The following FIRRM variants were observed in gnomAD, a reference collection of about 807,000 sequenced individuals.
FIRRM encodes FIGNL1-interacting regulator of recombination and mitosis.
the FIRRM span, among the ~76,000 whole-genome samples, chr1:169,846,013 AG>A: frequency 6.6e-6 from 1 of 152,230 alleles, no homozygotes; most frequent in Non-Finnish European, 1.5e-5. Flanking sequence ...TTAAACAGTA[AG>A]ACTTGAAAGT....
the FIRRM span, among the ~76,000 whole-genome samples, chr1:169,826,402 G>A: frequency 3.7e-5 from 5 of 134,302 alleles, no homozygotes; most frequent in East Asian, 2.2e-4. Context: ...TCACTCTGCC[G>A]CCCAGGCTGG....
the FIRRM span, among the ~76,000 whole-genome samples, chr1:169,805,438 G>A: frequency 7.9e-5 from 12 of 152,258 alleles, no homozygotes; most frequent in African/African-American, 1.9e-4. Context: ...TGAGCAGGTC[G>A]CTGTGTGCTA....
chr1:169,837,590 T>C, the FIRRM span, among the ~76,000 whole-genome samples: 2 of 152,246 alleles, frequency 1.3e-5, no homozygotes, highest in Admixed American at 1.3e-4. Context: ...CTGGATATAG[T>C]ACATGTAGTT....
chr1:169,803,836 C>T, the FIRRM span, among the ~76,000 whole-genome samples: 106,181 of 151,934 alleles, frequency 0.7, 37,276 homozygotes, highest in Middle Eastern at 0.85. Flanking sequence ...AAAAATGTCA[C>T]GCACCTGGCC....
chr1:169,784,828 A>G, the FIRRM span: 1 of 152,224 alleles, frequency 6.6e-6, no homozygotes, highest in East Asian at 1.9e-4. Context: ...TTGAGTTACT[A>G]TACAACACAA....
the FIRRM span, among the ~76,000 whole-genome samples, chr1:169,824,094 C>G: frequency 6.6e-6 from 1 of 152,182 alleles, no homozygotes; most frequent in Non-Finnish European, 1.5e-5. Context: ...CCTCAAACTT[C>G]CTGTATCTTC....
the FIRRM span, among the ~76,000 whole-genome samples, chr1:169,800,347 A>AT: frequency 1.3e-5 from 2 of 152,038 alleles, no homozygotes; most frequent in Admixed American, 6.6e-5. Flanking sequence ...GCGTGGCATA[A>AT]TTTTTTTTAA....
the FIRRM span, among the ~76,000 whole-genome samples, chr1:169,835,426 A>C: frequency 6.6e-6 from 1 of 152,184 alleles, no homozygotes; most frequent in South Asian, 2.1e-4. Context: ...ACTTGAGGGA[A>C]AAGTATTTAA....
the FIRRM span, among the ~76,000 whole-genome samples, chr1:169,790,792 T>C: frequency 6.6e-6 from 1 of 152,220 alleles, no homozygotes; most frequent in Non-Finnish European, 1.5e-5. Flanking sequence ...GGCCAATTTG[T>C]TCTACCTTAC....
the FIRRM span, among the ~76,000 whole-genome samples, chr1:169,790,711 T>C: frequency 5.6e-4 from 86 of 152,312 alleles, no homozygotes; most frequent in South Asian, 5.0e-3. Flanking sequence ...CTCAAAATCA[T>C]TGAAACCAAT....
the FIRRM span, among the ~76,000 whole-genome samples, chr1:169,831,024 A>G: frequency 6.6e-6 from 1 of 152,228 alleles, no homozygotes; most frequent in Middle Eastern, 3.2e-3. Flanking sequence ...ATTACATTTA[A>G]AATTGAATGC....
At chr1:169,805,042 CAT>C in the FIRRM span, among the ~76,000 whole-genome samples, 3 of 152,200 alleles carry the variant, frequency 2.0e-5, no homozygotes, top group Non-Finnish European at 2.9e-5. Context: ...TTTTATCACT[CAT>C]TAATGGATTA....
At chr1:169,847,656 A>G in the FIRRM span, 1 of 1,444,836 alleles carries the variant, frequency 6.9e-7, no homozygotes, top group African/African-American at 1.4e-5. Flanking sequence ...TACTGGTATT[A>G]TTTATAACTG....
At chr1:169,847,663 A>G in the FIRRM span, 1 of 1,473,982 alleles carries the variant, frequency 6.8e-7, no homozygotes, top group African/African-American at 1.4e-5. Flanking sequence ...ATTATTTATA[A>G]CTGTTCTTTG....
At chr1:169,792,484 A>C in the FIRRM span, 2 of 1,213,490 alleles carry the variant, frequency 1.6e-6, no homozygotes, top group Non-Finnish European at 2.2e-6. Flanking sequence ...AACAACATCA[A>C]AATTTCAGAA....
At chr1:169,842,598 A>G in the FIRRM span, 1 of 1,580,792 alleles carries the variant, frequency 6.3e-7, no homozygotes, top group African/African-American at 1.4e-5. Context: ...AAAAAAGAGG[A>G]TTGTACTGAA....
chr1:169,812,465 T>G, the FIRRM span, among the ~76,000 whole-genome samples: 3 of 152,194 alleles, frequency 2.0e-5, no homozygotes, highest in African/African-American at 7.2e-5. Context: ...AGGTTTCTTA[T>G]GGTGATATGA....
the FIRRM span, among the ~76,000 whole-genome samples, chr1:169,848,175 A>G: frequency 6.6e-6 from 1 of 152,142 alleles, no homozygotes; most frequent in Non-Finnish European, 1.5e-5. Flanking sequence ...CATGAAAGAG[A>G]ACCTGTTTTT....
the FIRRM span, among the ~76,000 whole-genome samples, chr1:169,834,123 T>G: frequency 6.6e-6 from 1 of 152,148 alleles, no homozygotes; most frequent in Non-Finnish European, 1.5e-5. Flanking sequence ...CTAGAAGCAG[T>G]GTTCTAAATT....
Sources: allele counts gnomAD v4.1 joint callset (sites outside exome capture counted in the v4.1 genomes callset), GRCh38; gene constraint gnomAD v4.1.1; transcripts MANE v1.5; gene names NCBI Gene and HGNC (gene_info 2026-07-23, HGNC 2026-07-21).